Variants in CHD6 observed in about 807,000 individuals in gnomAD.
CHD6 encodes the protein chromodomain helicase DNA binding protein 6, also known as ATP-dependent chromatin remodeler CHD6.
Under a neutral mutation model 276.9 loss-of-function variants are expected in CHD6, and 50 were observed. That is an observed-to-expected ratio of 0.18 (90% CI 0.14 to 0.23). CHD6 has a LOEUF of 0.23. CHD6 is among the 10% of genes least tolerant of loss of function. CHD6 has a pLI of 1.00. For missense variants in CHD6, 2,564 were observed against 3,365.8 expected, an observed-to-expected ratio of 0.76 and a Z score of 5.89; for synonymous variants, 1,173 against 1,229.3, an observed-to-expected ratio of 0.95 and a Z score of 0.96.
Position 41,516,100 on chromosome 20 carries a change from T to C in CHD6, c.555-1148A>G, listed in dbSNP as rs551415119. On this transcript the variant is annotated intron_variant, in intron 3 of 36. Coordinates refer to ENST00000373233, the MANE Select transcript of CHD6 (RefSeq NM_032221.5). ...AATACTTTATATAATAATTACTATA[T>C]GCAGGCACATTCTTTTACATGAATT... is the stretch of plus-strand genomic sequence containing the variant. Among the ~76,000 whole-genome samples, 10 of 152,314 alleles carry C rather than the reference T, an allele frequency of 6.6e-5. No homozygotes were observed. In the South Asian group the frequency reaches 2.1e-3, roughly 32 times the overall value.
chr20:41,616,309 C>A (rs1033604016), intron 1 of CHD6, among the ~76,000 whole-genome samples: 2 of 152,118 alleles, frequency 1.3e-5, no homozygotes, highest in Non-Finnish European at 1.5e-5. Context: ...GTTTGCAGTG[C>A]TATTAAATGT....
rs141957256 is a variant in CHD6 at position 41,492,032 on chromosome 20, A to C, written c.1315-213T>G. 4.1e-3 allele frequency among the ~76,000 whole-genome samples: 627 copies of C among 152,264 alleles called. 5 individuals carry two copies. The highest frequency in any genetic ancestry group is 0.012 in the African/African-American group (511 of 41,552). ...CCTGATTGCTTCTAGATAATAACTT[A>C]CAATTAGCTTCAGAATGAAACTCTC... is the stretch of plus-strand genomic sequence containing the variant. On this transcript the variant is annotated intron_variant, in intron 10 of 36. Coordinates refer to ENST00000373233, the MANE Select transcript of CHD6 (RefSeq NM_032221.5).
intron 1 of CHD6, among the ~76,000 whole-genome samples, chr20:41,556,313 A>C (rs1196952041): frequency 1.7e-5 from 2 of 119,228 alleles, no homozygotes; most frequent in African/African-American, 3.7e-5. Flanking sequence ...GAGACGGGAG[A>C]GGGAGAGGGC....
intron 3 of CHD6, among the ~76,000 whole-genome samples, chr20:41,527,266 G>A (rs983872067): frequency 2.6e-5 from 4 of 152,036 alleles, no homozygotes; most frequent in East Asian, 1.9e-4. Context: ...GCAAAACCCC[G>A]TCTCTACTAA....
Position 41,521,172 on chromosome 20 carries a change from C to T in CHD6, c.555-6220G>A, listed in dbSNP as rs565087092. ...TAAAGATGAAAACAAGCTGAAACAA[C>T]TGAATCCATGTATGTTTAAAACAAG... On this transcript the variant is annotated intron_variant, in intron 3 of 36. Coordinates refer to ENST00000373233, the MANE Select transcript of CHD6 (RefSeq NM_032221.5). Among the ~76,000 whole-genome samples the T allele has an allele frequency of 6.1e-4, 93 of 152,288 alleles. 1 individual carries two copies. Among genetic ancestry groups the T allele is most frequent in the African/African-American group, 2.1e-3 (87 of 41,560 alleles).
At chr20:41,555,220 T>C (rs868562309) in intron 1 of CHD6, among the ~76,000 whole-genome samples, 5 of 119,270 alleles carry the variant, frequency 4.2e-5, no homozygotes, top group African/African-American at 1.1e-4. Flanking sequence ...ATGGGGCGGC[T>C]GGCCGGGTGG....
intron 12 of CHD6, 39 bp downstream of exon 12, chr20:41,489,734 GAGCTT>G: frequency 6.2e-7 from 1 of 1,611,594 alleles, no homozygotes; most frequent in Non-Finnish European, 8.5e-7. Flanking sequence ...AGGCTGTTCT[GAGCTT>G]AGGCAGTCCC....
intron 31 of CHD6, 59 bp downstream of exon 31, chr20:41,420,449 A>AC: frequency 6.6e-7 from 1 of 1,522,028 alleles, no homozygotes; most frequent in Admixed American, 2.1e-5. Flanking sequence ...CTAAAACCCA[A>AC]CCCCCCGTCG....
At chr20:41,487,909 G>T in intron 13 of CHD6, 101 bp from the exon 14 acceptor site, 1 of 1,210,794 alleles carries the variant, frequency 8.3e-7, no homozygotes, top group Non-Finnish European at 1.2e-6. Context: ...TCAATTTGGG[G>T]CAATTCTGAT....
rs2046859730 is a variant in CHD6, at chr20:41,412,165, G to A, written c.7230C>T (p.Ile2410=). Residue 2410 remains isoleucine (I), a synonymous_variant, in exon 36 of 37, where the codon ATC becomes ATT. Transcript: ENST00000373233. ...SLSGEERVPA[I]PKEPGLRGFL... ...TTACCCTCAGTCCTGGCTCCTTGGG[G>A]ATGGCAGGAACTCTCTCTTCCCCGC... is the stretch of plus-strand genomic sequence containing the variant. 2.5e-6 allele frequency: 4 copies of A among 1,614,096 alleles called. No homozygotes were observed. Among genetic ancestry groups the A allele is most frequent in the Non-Finnish European group, 3.4e-6 (4 of 1,180,034 alleles).
chr20:41,451,686 A>T, intron 22 of CHD6, 140 bp downstream of exon 22: 1 of 734,392 alleles, frequency 1.4e-6, no homozygotes, highest in East Asian at 2.6e-5. Context: ...CGAAAGCAAC[A>T]TCTTTTCCCA....
intron 27 of CHD6, among the ~76,000 whole-genome samples, chr20:41,434,849 TCAA>T (rs1288506303): frequency 1.3e-5 from 2 of 152,058 alleles, no homozygotes. Context: ...ACAGAAAAAC[TCAA>T]CAACATCATT....
chr20:41,477,005 G>T (rs1026008742), intron 16 of CHD6, among the ~76,000 whole-genome samples: 7 of 152,062 alleles, frequency 4.6e-5, no homozygotes, highest in African/African-American at 7.2e-5. Context: ...GGGAGGCCAA[G>T]GCGGGAGGAT....
chr20:41,443,907 G>A (rs1234825384), intron 25 of CHD6, among the ~76,000 whole-genome samples: 1 of 152,106 alleles, frequency 6.6e-6, no homozygotes, highest in East Asian at 1.9e-4. Flanking sequence ...ATCCACCTTG[G>A]TTTTCTGTAT....
intron 1 of CHD6, among the ~76,000 whole-genome samples, chr20:41,598,767 G>A (rs575073915): frequency 6.6e-6 from 1 of 152,146 alleles, no homozygotes; most frequent in Non-Finnish European, 1.5e-5. Context: ...AGCCTTTCTA[G>A]GAGCTAACCA....
intron 5 of CHD6, among the ~76,000 whole-genome samples, chr20:41,502,752 T>A (rs558357355): frequency 3.9e-5 from 6 of 152,316 alleles, no homozygotes; most frequent in Admixed American, 6.5e-5. Flanking sequence ...ATGCCTATTA[T>A]CCCAGCACTT....
At chr20:41,545,320 T>C (rs2045018842) in intron 2 of CHD6, among the ~76,000 whole-genome samples, 1 of 152,118 alleles carries the variant, frequency 6.6e-6, no homozygotes, top group Non-Finnish European at 1.5e-5. Flanking sequence ...TTTCAGAACA[T>C]AAAGTAAGAA....
Position 41,514,863 on chromosome 20 carries a change from C to A in CHD6, c.644G>T (p.Gly215Val), listed in dbSNP as rs762396684. ...TTVESLELDQ[G>V]LTNPSLRSPE... ...ACTCCGCAGAGATGGGTTCGTCAGG[C>A]CCTGATCCAGCTCTAAACTCTCCAC... The change falls in exon 4 of 37, where the codon GGC becomes GTC. Residue 215 changes from glycine to valine, a missense_variant. Physicochemically the swap from Gly to Val is moderately radical, Grantham distance 109 (BLOSUM62 -3). Coordinates refer to ENST00000373233, the MANE Select transcript of CHD6 (RefSeq NM_032221.5). 6.2e-7 allele frequency: 1 copy of A among 1,614,072 alleles called. No individual in the cohort carries two copies. Among genetic ancestry groups the A allele is most frequent in the African/African-American group, 1.3e-5 (1 of 75,058 alleles).
At chr20:41,532,420 A>C (rs1243549994) in intron 3 of CHD6, among the ~76,000 whole-genome samples, 1 of 152,136 alleles carries the variant, frequency 6.6e-6, no homozygotes, top group Non-Finnish European at 1.5e-5. Flanking sequence ...TGCACCACTG[A>C]TTCCCGTGAC....
Sources: gnomAD v4.1 joint callset for allele counts (sites outside exome capture counted in the v4.1 genomes callset) on GRCh38, gnomAD v4.1.1 for gene constraint, MANE v1.5 for transcripts, NCBI Gene and HGNC (gene_info 2026-07-23, HGNC 2026-07-21) for gene names.